CNTNAP2: variants seen among roughly 807,000 people sequenced by gnomAD.
The protein encoded by CNTNAP2 is contactin associated protein 2.
CNTNAP2 carries 98 observed loss-of-function variants against 155.2 expected under a neutral mutation model. The observed-to-expected ratio is 0.63, with a 90% CI of 0.54 to 0.75. The LOEUF (loss-of-function observed/expected upper bound fraction) is 0.75, where lower values mean the gene tolerates loss of function less well. Among genes scored for constraint, CNTNAP2 ranks in the 30% least tolerant of loss-of-function variants. The probability of loss-of-function intolerance (pLI) is 0.00; values close to 1 mark genes in which losing one functional copy is unlikely to be tolerated. For missense variants in CNTNAP2, 1,727 were observed against 1,688.1 expected, an observed-to-expected ratio of 1.02 and a Z score of -0.40; for synonymous variants, 651 against 631.2, an observed-to-expected ratio of 1.03 and a Z score of -0.47.
In CNTNAP2 at chr7:147,132,271, A is replaced by G. The variant is rs1445517809; in HGVS notation, c.1110A>G (p.Glu370=). 3 of 1,613,526 alleles carry G rather than the reference A, an allele frequency of 1.9e-6. No individual in the cohort carries two copies. The highest frequency in any genetic ancestry group is 1.3e-5 in the African/African-American group (1 of 74,832). ...NVGNLSFSCV[E]PYTVPVFFNA... The stretch of plus-strand genomic sequence containing the variant: ...GAAATTTGAGCTTTTCTTGTGTGGA[A>G]CCCTATACGGTGCCTGTCTTTTTCA... Residue 370 remains glutamate (E), a synonymous_variant, in exon 8 of 24, where the codon GAA becomes GAG. Transcript: ENST00000361727.
intron 11 of CNTNAP2, among the ~76,000 whole-genome samples, chr7:147,520,834 G>C (rs1168119782): frequency 6.6e-6 from 1 of 152,126 alleles, no homozygotes; most frequent in Admixed American, 6.5e-5. Flanking sequence ...TATAGTCTCA[G>C]AAGGCCCATG....
At chr7:148,254,603 C>T (rs540544292) in intron 20 of CNTNAP2, among the ~76,000 whole-genome samples, 282 of 152,018 alleles carry the variant, frequency 1.9e-3, no homozygotes, top group Non-Finnish European at 2.4e-3. Flanking sequence ...GGTGAAACCC[C>T]GTCTCAACTA....
chr7:147,528,111 G>A (rs1007951654), intron 11 of CNTNAP2, among the ~76,000 whole-genome samples: 5 of 152,200 alleles, frequency 3.3e-5, no homozygotes, highest in Admixed American at 6.5e-5. Context: ...GCACCTATAT[G>A]TGGCCAAGCA....
intron 10 of CNTNAP2, among the ~76,000 whole-genome samples, chr7:147,463,699 A>G (rs1052431523): frequency 1.1e-4 from 17 of 152,196 alleles, no homozygotes; most frequent in Non-Finnish European, 2.4e-4. Flanking sequence ...TATCTGTCAC[A>G]AATGGCCTCT....
At chr7:148,150,929 A>G (rs1302290607) in intron 17 of CNTNAP2, among the ~76,000 whole-genome samples, 2 of 151,578 alleles carry the variant, frequency 1.3e-5, no homozygotes, top group South Asian at 4.2e-4. Flanking sequence ...TATGTTGCCC[A>G]GGCTGATCTC....
chr7:146,515,585 C>G (rs2129136350), intron 1 of CNTNAP2, among the ~76,000 whole-genome samples: 1 of 152,182 alleles, frequency 6.6e-6, no homozygotes, highest in East Asian at 1.9e-4. Context: ...ATATCACCCA[C>G]TTTTGTTGCT....
In CNTNAP2 at chr7:146,827,937, C is replaced by A. The variant is rs10234284; in HGVS notation, c.209-11774C>A. On this transcript the variant is annotated intron_variant, in intron 2 of 23. Transcript: ENST00000361727. ...GACTAGATTATATTATTTTTATTGCCTTTATTTTTCACACATAAGACTTCA... is the reference window on the plus strand; with the variant it reads ...GACTAGATTATATTATTTTTATTGCATTTATTTTTCACACATAAGACTTCA... Among the ~76,000 whole-genome samples the A allele has an allele frequency of 2.0e-5, 3 of 151,762 alleles. No homozygotes were observed. In the East Asian group the frequency reaches 5.8e-4, roughly 29 times the overall value.
In CNTNAP2 at chr7:147,901,900, G is replaced by A. The variant is rs1799875252; in HGVS notation, c.2099-1665G>A. On this transcript the variant is annotated intron_variant, in intron 13 of 23. Coordinates refer to ENST00000361727, the MANE Select transcript of CNTNAP2 (RefSeq NM_014141.6). ...GTGACTATTAGGCCAAATGATAAAGGAGAGTTGGGGGCTAATCTGCTGTGT... is the reference window on the plus strand; with the variant it reads ...GTGACTATTAGGCCAAATGATAAAGAAGAGTTGGGGGCTAATCTGCTGTGT... Among the ~76,000 whole-genome samples, 3 of 152,342 alleles carry A rather than the reference G, an allele frequency of 2.0e-5. No homozygotes were observed. The South Asian group carries it at 6.2e-4, about 32-fold the overall frequency.
intron 1 of CNTNAP2, among the ~76,000 whole-genome samples, chr7:146,620,441 A>C (rs2129156213): frequency 6.6e-6 from 1 of 152,278 alleles, no homozygotes; most frequent in Admixed American, 6.5e-5. Flanking sequence ...ATAGCCTTGA[A>C]ATCCCAAAGC....
intron 1 of CNTNAP2, among the ~76,000 whole-genome samples, chr7:146,230,466 G>C (rs141453091): frequency 6.6e-6 from 1 of 152,178 alleles, no homozygotes; most frequent in Admixed American, 6.5e-5. Context: ...CTTAATGTAT[G>C]TTGCAGTTTA....
chr7:147,282,986 T>A (rs1006347448), intron 8 of CNTNAP2, among the ~76,000 whole-genome samples: 2 of 151,926 alleles, frequency 1.3e-5, no homozygotes, highest in Non-Finnish European at 2.9e-5. Flanking sequence ...CCTTCAAAAA[T>A]TTTATGAAGA....
chr7:146,728,056 C>T (rs1238125917), intron 1 of CNTNAP2, among the ~76,000 whole-genome samples: 2 of 152,104 alleles, frequency 1.3e-5, no homozygotes, highest in Non-Finnish European at 2.9e-5. Flanking sequence ...AAGAGCATCA[C>T]GAGCATGCTC....
chr7:148,248,214 T>C (rs985819999), intron 20 of CNTNAP2, among the ~76,000 whole-genome samples: 4 of 152,040 alleles, frequency 2.6e-5, no homozygotes, highest in African/African-American at 9.7e-5. Flanking sequence ...TTTTTTTTTT[T>C]TTGAGACAGA....
At chr7:147,323,299 G>A (rs930140985) in intron 9 of CNTNAP2, among the ~76,000 whole-genome samples, 4 of 121,332 alleles carry the variant, frequency 3.3e-5, no homozygotes, top group African/African-American at 6.7e-5. Flanking sequence ...TGGTTTCAAA[G>A]AACATCTGTA....
intron 15 of CNTNAP2, among the ~76,000 whole-genome samples, chr7:148,096,263 CTGCG>C (rs764726946): frequency 6.9e-5 from 10 of 144,794 alleles, no homozygotes; most frequent in South Asian, 4.7e-4. Context: ...GAACGTTTTT[CTGCG>C]TGCATGCATG....
chr7:147,447,066 AT>A (rs1000328300), intron 10 of CNTNAP2, among the ~76,000 whole-genome samples: 4 of 152,018 alleles, frequency 2.6e-5, no homozygotes, highest in South Asian at 2.1e-4. Context: ...TCAGATTTTT[AT>A]TTTTTTTAAT....
At chr7:147,170,804 A>G (rs1343803813) in intron 8 of CNTNAP2, among the ~76,000 whole-genome samples, 2 of 152,128 alleles carry the variant, frequency 1.3e-5, no homozygotes, top group African/African-American at 4.8e-5. Flanking sequence ...TTCACTGTGC[A>G]TGTGCTGCTG....
chr7:147,642,563 C>T (rs1795297135), intron 13 of CNTNAP2, among the ~76,000 whole-genome samples: 2 of 151,986 alleles, frequency 1.3e-5, no homozygotes, highest in Non-Finnish European at 2.9e-5. Context: ...TACAAAACAT[C>T]AGGAAAAATG....
chr7:147,681,281 G>A (rs375978970), intron 13 of CNTNAP2, among the ~76,000 whole-genome samples: 11 of 151,944 alleles, frequency 7.2e-5, no homozygotes, highest in South Asian at 4.1e-4. Context: ...TGCTGAGAGC[G>A]TCCTAGTATG....
Sources: gnomAD v4.1 joint callset for allele counts (sites outside exome capture counted in the v4.1 genomes callset) on GRCh38, gnomAD v4.1.1 for gene constraint, MANE v1.5 for transcripts, NCBI Gene and HGNC (gene_info 2026-07-23, HGNC 2026-07-21) for gene names.